Variants in PLEKHA2 observed in about 807,000 individuals in gnomAD.
The protein encoded by PLEKHA2 is pleckstrin homology domain-containing family A member 2.
A neutral mutation model predicts 53.2 loss-of-function variants in PLEKHA2; 28 were observed. The ratio of observed to expected loss-of-function variants is 0.53; its 90% CI spans 0.39 to 0.72. PLEKHA2 has a LOEUF of 0.72. PLEKHA2 is among the 30% of genes least tolerant of loss of function. The probability of loss-of-function intolerance (pLI) is 0.00; values close to 1 mark genes in which losing one functional copy is unlikely to be tolerated. For synonymous variants in PLEKHA2, 193 were observed against 196.4 expected (o/e 0.98, Z 0.14); for missense variants, 426 against 537.9 (o/e 0.79, Z 2.06).
At chr8:38,953,458 G>A (rs1834883603) in intron 9 of PLEKHA2, 91 bp downstream of exon 9, 1 of 1,258,216 alleles carries the variant, frequency 7.9e-7, no homozygotes, top group African/African-American at 1.5e-5. Context: ...CTATGCAAGA[G>A]TCATCTTCTT....
At chr8:38,907,362 T>C (rs1833892991) in intron 1 of PLEKHA2, among the ~76,000 whole-genome samples, 1 of 152,240 alleles carries the variant, frequency 6.6e-6, no homozygotes, top group Admixed American at 6.5e-5. Flanking sequence ...AGGCAGAGTC[T>C]CCCATATTTC....
chr8:38,952,773 A>T, intron 8 of PLEKHA2, 69 bp downstream of exon 8: 1 of 1,479,250 alleles, frequency 6.8e-7, no homozygotes, highest in Non-Finnish European at 9.3e-7. Context: ...GCACACCCAC[A>T]GGAGAGCGTG....
chr8:38,936,430 GAAGGATTCTCTCA>G (rs377357305), intron 3 of PLEKHA2, among the ~76,000 whole-genome samples: 25 of 152,336 alleles, frequency 1.6e-4, no homozygotes, highest in African/African-American at 5.5e-4. Flanking sequence ...CAGCAACTGT[GAAGGATTCTCTCA>G]AAGGGTACAG....
At chr8:38,917,202 G>A (rs1372757843) in intron 1 of PLEKHA2, among the ~76,000 whole-genome samples, 1 of 152,012 alleles carries the variant, frequency 6.6e-6, no homozygotes, top group East Asian at 1.9e-4. Flanking sequence ...GTAATTTGCC[G>A]ATTTTTCTCC....
intron 10 of PLEKHA2, among the ~76,000 whole-genome samples, chr8:38,958,809 C>G (rs987731271): frequency 6.6e-6 from 1 of 152,120 alleles, no homozygotes; most frequent in East Asian, 1.9e-4. Context: ...TTGTCTCAGG[C>G]TGGGGACACC....
At chr8:38,920,989 C>T (rs926207157) in intron 2 of PLEKHA2, among the ~76,000 whole-genome samples, 3 of 151,940 alleles carry the variant, frequency 2.0e-5, no homozygotes, top group Admixed American at 6.6e-5. Context: ...TTAGTAGAGA[C>T]GGGGTTTCAT....
intron 2 of PLEKHA2, among the ~76,000 whole-genome samples, chr8:38,920,764 T>C (rs1321492584): frequency 6.6e-6 from 1 of 151,700 alleles, no homozygotes; most frequent in Non-Finnish European, 1.5e-5. Context: ...GGGTCTCACT[T>C]TGTTGACCAG....
chr8:38,952,518 G>T (rs1189004316), intron 7 of PLEKHA2, 118 bp from the exon 8 acceptor site: 9 of 1,343,488 alleles, frequency 6.7e-6, no homozygotes. Context: ...CCTTGCCCCT[G>T]CTGAATGTGG....
intron 1 of PLEKHA2, among the ~76,000 whole-genome samples, chr8:38,902,729 T>A (rs1038021600): frequency 2.0e-5 from 3 of 152,250 alleles, no homozygotes; most frequent in African/African-American, 7.2e-5. Context: ...GCTTTCTATT[T>A]CAGTTGCATT....
At chr8:38,928,549 C>T (rs4556061) in intron 2 of PLEKHA2, among the ~76,000 whole-genome samples, 74,502 of 151,720 alleles carry the variant, frequency 0.49, 19,050 homozygotes, top group African/African-American at 0.59. Flanking sequence ...GCGCCCGGCC[C>T]GACCTGGTCT....
At chr8:38,953,173 A>G (rs749558183) in intron 8 of PLEKHA2, 124 bp from the exon 9 acceptor site, 159 of 802,956 alleles carry the variant, frequency 2.0e-4, no homozygotes, top group Non-Finnish European at 3.1e-4. Context: ...TTATTTTGAG[A>G]CCAGATTATT....
chr8:38,951,684 T>C (rs1163905306), intron 6 of PLEKHA2, among the ~76,000 whole-genome samples: 1 of 151,682 alleles, frequency 6.6e-6, no homozygotes, highest in Non-Finnish European at 1.5e-5. Flanking sequence ...GTATTTTTTG[T>C]TGGAGATGGG....
In PLEKHA2 at chr8:38,943,832, G is replaced by A. The variant is rs772981890; in HGVS notation, c.242G>A (p.Cys81Tyr). The A allele has an allele frequency of 2.5e-6, 4 of 1,583,146 alleles. No homozygotes were observed. Among genetic ancestry groups the A allele is most frequent in the Non-Finnish European group, 8.6e-7 (1 of 1,164,154 alleles). The part of the protein sequence containing the change: ...TPKQKPKTPF[C>Y]FVINALSQRY... ...AAACAGAAACCAAAAACTCCATTTTGCTTTGGTAAGTACTGAGCCAGGGGA... is the reference window on the plus strand; with the variant it reads ...AAACAGAAACCAAAAACTCCATTTTACTTTGGTAAGTACTGAGCCAGGGGA... The change falls in exon 4 of 12, where the codon TGC becomes TAC. Residue 81 changes from cysteine to tyrosine, a missense_variant. Physicochemically the swap from Cys to Tyr is radical, Grantham distance 194. Coordinates refer to ENST00000617275, the MANE Select transcript of PLEKHA2 (RefSeq NM_021623.2).
At chr8:38,966,622 C>T (rs1015568285) in intron 10 of PLEKHA2, among the ~76,000 whole-genome samples, 2 of 152,132 alleles carry the variant, frequency 1.3e-5, no homozygotes, top group Non-Finnish European at 2.9e-5. Flanking sequence ...GCTGGAGTTT[C>T]CTCCCTTTTT....
Position 38,946,115 on chromosome 8 carries a change from C to G in PLEKHA2, c.248-9C>G, listed in dbSNP as rs374130438. 6 of 1,594,644 alleles carry G rather than the reference C, an allele frequency of 3.8e-6. No homozygotes were observed. The African/African-American group carries it at 6.7e-5, about 18-fold the overall frequency. ...GAATGTCTTCCCTTCTTTTCTGTGGCTTTTGTAGTTATCAATGCCCTGTCT... is the reference window on the plus strand; with the variant it reads ...GAATGTCTTCCCTTCTTTTCTGTGGGTTTTGTAGTTATCAATGCCCTGTCT... On this transcript the variant is annotated splice_polypyrimidine_tract_variant and intron_variant, in intron 4 of 11. Coordinates refer to ENST00000617275, the MANE Select transcript of PLEKHA2 (RefSeq NM_021623.2).
intron 10 of PLEKHA2, among the ~76,000 whole-genome samples, chr8:38,965,298 A>G (rs1199153670): frequency 1.3e-5 from 2 of 152,168 alleles, no homozygotes; most frequent in Non-Finnish European, 2.9e-5. Context: ...GGGAGGCAGT[A>G]CTTCAAAGCG....
intron 3 of PLEKHA2, among the ~76,000 whole-genome samples, chr8:38,936,967 C>G (rs570471452): frequency 6.6e-6 from 1 of 152,296 alleles, no homozygotes; most frequent in South Asian, 2.1e-4. Context: ...GGGCTGGAGG[C>G]CTGGGGGCCC....
chr8:38,946,315 G>A (rs1834714118), intron 5 of PLEKHA2, 94 bp downstream of exon 5: 10 of 1,094,840 alleles, frequency 9.1e-6, no homozygotes, highest in South Asian at 2.7e-5. Flanking sequence ...AGATGGCAGC[G>A]GGGACTTTCC....
intron 5 of PLEKHA2, 91 bp from the exon 6 acceptor site, chr8:38,950,759 G>A (rs557975852): frequency 1.1e-4 from 166 of 1,490,196 alleles, no homozygotes; most frequent in Admixed American, 1.5e-4. Context: ...TGGCACATGA[G>A]CTTTTCTCAC....
Sources: allele counts gnomAD v4.1 joint callset (sites outside exome capture counted in the v4.1 genomes callset), GRCh38; gene constraint gnomAD v4.1.1; transcripts MANE v1.5; gene names NCBI Gene and HGNC (gene_info 2026-07-23, HGNC 2026-07-21).